Variants in GIN1 observed in about 807,000 individuals in gnomAD.
GIN1 encodes gypsy retrotransposon integrase 1.
In GIN1, 41 loss-of-function variants were observed where a neutral mutation model predicts 51.4. The observed-to-expected ratio is 0.80, with a 90% CI of 0.62 to 1.04. The LOEUF is 1.04. Ranked by LOEUF, GIN1 falls within the 50% of genes least tolerant of loss-of-function variation. The pLI is 0.00. For synonymous variants in GIN1, 222 were observed against 206.5 expected (o/e 1.07, Z -0.64); for missense variants, 610 against 612.4 (o/e 1.00, Z 0.04).
intron 7 of GIN1, among the ~76,000 whole-genome samples, chr5:103,089,263 G>A (rs1787167841): frequency 1.3e-5 from 2 of 152,054 alleles, no homozygotes; most frequent in South Asian, 4.1e-4. Context: ...TCTATACACA[G>A]ACTAATATGT....
intron 4 of GIN1, 80 bp downstream of exon 4, chr5:103,104,461 T>TATAATGCA: frequency 1.5e-6 from 1 of 673,162 alleles, no homozygotes; most frequent in Non-Finnish European, 2.6e-6. Flanking sequence ...CACTCTGTAA[T>TATAATGCA]ATAATGCAGA....
At chr5:103,112,762 C>G (rs569375155) in intron 1 of GIN1, among the ~76,000 whole-genome samples, 4 of 152,184 alleles carry the variant, frequency 2.6e-5, no homozygotes, top group Non-Finnish European at 5.9e-5. Flanking sequence ...CATGCTTTAC[C>G]CTTTTTAATA....
chr5:103,100,282 T>G (rs1787533547), intron 4 of GIN1, among the ~76,000 whole-genome samples: 3 of 151,960 alleles, frequency 2.0e-5, no homozygotes, highest in African/African-American at 7.3e-5. Context: ...GCATTTTTTG[T>G]AGAGATGGCA....
rs781814526 is a variant in GIN1 at position 103,088,051 on chromosome 5, G to A, written c.1416C>T (p.Val472=). ...ILVEDATIGI[V]DNELLTSSKD... ...TGCTTGATGTCAGTAATTCATTATC[G>A]ACTATACCAATAGTTGCATCTTCCA... The change falls in exon 8 of 8, where the codon GTC becomes GTT. Residue 472 remains valine (V), a synonymous_variant. Transcript: ENST00000399004. 4.3e-6 allele frequency: 7 copies of A among 1,609,782 alleles called. No individual in the cohort carries two copies. Among genetic ancestry groups the A allele is most frequent in the African/African-American group, 4.0e-5 (3 of 74,886 alleles).
intron 4 of GIN1, chr5:103,102,247 T>C (rs1787595595): frequency 6.6e-6 from 1 of 152,176 alleles, no homozygotes; most frequent in African/African-American, 2.4e-5. Context: ...AATTAGCAAA[T>C]TGTTACCTGT....
chr5:103,105,640 C>T (rs1212337096), intron 3 of GIN1, among the ~76,000 whole-genome samples: 7 of 152,108 alleles, frequency 4.6e-5, no homozygotes, highest in African/African-American at 1.4e-4. Flanking sequence ...GAGACAAGAT[C>T]AACTGATCAA....
intron 4 of GIN1, among the ~76,000 whole-genome samples, chr5:103,103,636 T>C (rs1554195976): frequency 2.0e-5 from 3 of 152,178 alleles, no homozygotes; most frequent in African/African-American, 7.2e-5. Flanking sequence ...TCATATATAT[T>C]CTCCCCTGCT....
In GIN1 at chr5:103,087,300, T is replaced by C. The variant is rs1787101462; in HGVS notation, c.*598A>G. The C allele has an allele frequency of 1.3e-5, 2 of 152,156 alleles. No homozygotes were observed. The highest frequency in any genetic ancestry group is 2.9e-5 in the Non-Finnish European group (2 of 68,018). The allele number at this position is 152,156 out of a possible 1,614,324, so 9.4% of individuals were successfully genotyped here. A position where few individuals can be genotyped will look rare whatever the true frequency, so the allele number is the denominator to read the frequency against. On this transcript the variant is annotated 3_prime_UTR_variant, in exon 8 of 8. Transcript: ENST00000399004. ...CGATGGTTTTATCTTTAATATATAGTATGAAAATAAACAAATTGTTTCCCA... is the reference window on the plus strand; with the variant it reads ...CGATGGTTTTATCTTTAATATATAGCATGAAAATAAACAAATTGTTTCCCA...
Position 103,087,813 on chromosome 5 carries a change from T to G in GIN1, c.*85A>C. ...AGTCATTAAGAATGTGTCAAGATAC[T>G]TCTTCTATACAACGTTTTTAATGAA... On this transcript the variant is annotated 3_prime_UTR_variant, in exon 8 of 8. Transcript: ENST00000399004. 1.7e-6 allele frequency: 1 copy of G among 580,866 alleles called. No homozygotes were observed. The highest frequency in any genetic ancestry group is 2.9e-6 in the Non-Finnish European group (1 of 339,684). 36.0% of individuals were successfully genotyped at this position (580,866 alleles called of 1,614,324 possible).
At chr5:103,108,977 A>C (rs1321178107) in intron 1 of GIN1, among the ~76,000 whole-genome samples, 1 of 152,040 alleles carries the variant, frequency 6.6e-6, no homozygotes, top group Non-Finnish European at 1.5e-5. Context: ...CCACATACTG[A>C]GAAAAAAGGA....
In GIN1 at chr5:103,096,533, A is replaced by G. The variant is rs782731191; in HGVS notation, c.1294+8T>C. The stretch of plus-strand genomic sequence containing the variant: ...CAATAAAAATGTAGAGAAGTGACAG[A>G]TATTTACCTTGTTCACTGGATTCTC... On this transcript the variant is annotated splice_region_variant and intron_variant, in intron 7 of 7. Transcript: ENST00000399004. 9.5e-6 allele frequency: 15 copies of G among 1,583,974 alleles called. No individual in the cohort carries two copies. The Admixed American group carries it at 1.2e-4, about 13-fold the overall frequency.
rs138149845 is a variant in GIN1, at chr5:103,102,003, T to C, written c.639+2538A>G. ...GCTTTATTTGCAAGATTGGCTTTTATATGTTGATTACTTTACCACATAAAT... is the reference window on the plus strand; with the variant it reads ...GCTTTATTTGCAAGATTGGCTTTTACATGTTGATTACTTTACCACATAAAT... On this transcript the variant is annotated intron_variant, in intron 4 of 7. Transcript: ENST00000399004. 8.5e-5 allele frequency among the ~76,000 whole-genome samples: 13 copies of C among 152,324 alleles called. No homozygotes were observed. In the East Asian group the frequency reaches 2.1e-3, roughly 25 times the overall value.
intron 1 of GIN1, among the ~76,000 whole-genome samples, chr5:103,115,360 C>T (rs776075116): frequency 6.6e-6 from 1 of 152,140 alleles, no homozygotes. Flanking sequence ...GAGATTCTAA[C>T]ACACGTTACC....
intron 1 of GIN1, among the ~76,000 whole-genome samples, chr5:103,109,984 A>C (rs1285717222): frequency 6.6e-6 from 1 of 152,198 alleles, no homozygotes; most frequent in East Asian, 1.9e-4. Context: ...ACAATGAGGA[A>C]AGAGGTGGTC....
chr5:103,103,875 C>T (rs556799094), intron 4 of GIN1, among the ~76,000 whole-genome samples: 15 of 152,210 alleles, frequency 9.9e-5, no homozygotes, highest in South Asian at 8.3e-4. Context: ...TTGTAACCTC[C>T]GCCTCCCGGG....
At chr5:103,089,449 T>TTCATTCATTCATTCAC (rs1388603006) in intron 7 of GIN1, among the ~76,000 whole-genome samples, 1 of 152,068 alleles carries the variant, frequency 6.6e-6, no homozygotes, top group Admixed American at 6.6e-5. Flanking sequence ...CATTCATTCA[T>TTCATTCATTCATTCAC]TCATTCATTC....
intron 1 of GIN1, among the ~76,000 whole-genome samples, chr5:103,115,353 A>T (rs1032468394): frequency 6.6e-6 from 1 of 152,178 alleles, no homozygotes; most frequent in Non-Finnish European, 1.5e-5. Context: ...AGGGAAGGAG[A>T]TTCTAACACA....
intron 1 of GIN1, among the ~76,000 whole-genome samples, chr5:103,115,506 A>G (rs1414611486): frequency 6.6e-6 from 1 of 152,142 alleles, no homozygotes; most frequent in African/African-American, 2.4e-5. Flanking sequence ...TGATGGTTGC[A>G]TAGAACAGGG....
intron 6 of GIN1, 108 bp from the exon 7 acceptor site, chr5:103,096,934 T>C: frequency 1.5e-6 from 1 of 686,528 alleles, no homozygotes; most frequent in Non-Finnish European, 2.4e-6. Context: ...GAGATGCTAC[T>C]AAAAGGTAGG....
Sources: allele counts gnomAD v4.1 joint callset (sites outside exome capture counted in the v4.1 genomes callset), GRCh38; gene constraint gnomAD v4.1.1; transcripts MANE v1.5; gene names NCBI Gene and HGNC (gene_info 2026-07-23, HGNC 2026-07-21).